Variants in ZNF530 observed in about 807,000 individuals in gnomAD.
The protein encoded by ZNF530 is zinc finger protein 530.
ZNF530 carries 5 observed loss-of-function variants against 2.8 expected under a neutral mutation model. That is an observed-to-expected ratio of 1.80 (90% CI 0.94 to 3.78). ZNF530 has a LOEUF of 3.78. ZNF530 is among the 30% of genes most tolerant of loss of function. The pLI is 0.00. For synonymous variants in ZNF530, 229 were observed against 235.0 expected (o/e 0.97, Z 0.23); for missense variants, 619 against 673.3 (o/e 0.92, Z 0.89).
Position 57,607,026 on chromosome 19 carries a change from A to T in ZNF530, c.1402A>T (p.Ile468Phe), listed in dbSNP as rs573266416. Residue 468 changes from isoleucine (I) to phenylalanine (F), a missense_variant, in exon 4 of 4, where the codon ATC becomes TTC. By Grantham distance (21) the Ile-to-Phe change is conservative. Transcript: ENST00000597700. ...YECSVCGKSF[I>F]RKTHLIRHQT... ...GTGCAGTGTATGTGGGAAATCTTTT[A>T]TCCGAAAAACCCACCTCATTCGACA... The T allele has an allele frequency of 3.1e-6, 5 of 1,613,156 alleles. No individual in the cohort carries two copies. In the African/African-American group the frequency reaches 5.3e-5, roughly 17 times the overall value.
chr19:57,612,529 A>G (rs1384933681), downstream of ZNF530: 2 of 400,162 alleles, frequency 5.0e-6, no homozygotes, highest in South Asian at 1.3e-4. Context: ...TCAAGAATGA[A>G]AAGAGGCCTG....
Position 57,607,901 on chromosome 19 carries a change from G to C in ZNF530, c.*576G>C, listed in dbSNP as rs552028287. On this transcript the variant is annotated 3_prime_UTR_variant, in exon 4 of 4. Transcript: ENST00000597700. Reference sequence around the variant, plus strand: ...GGGACCTTACCAGATTCGTGTCACTGCCAGTTTCTGCGGCTGAAGCCTTTT... The same window carrying C: ...GGGACCTTACCAGATTCGTGTCACTCCCAGTTTCTGCGGCTGAAGCCTTTT... 4.5e-5 allele frequency: 7 copies of C among 154,584 alleles called. No individual in the cohort carries two copies. Among genetic ancestry groups the C allele is most frequent in the African/African-American group, 1.2e-4 (5 of 41,562 alleles). 9.6% of individuals were successfully genotyped at this position (154,584 alleles called of 1,614,324 possible).
chr19:57,605,576 C>A, intron 3 of ZNF530, 110 bp from the exon 4 acceptor site: 1 of 1,134,048 alleles, frequency 8.8e-7, no homozygotes, highest in Non-Finnish European at 1.2e-6. Flanking sequence ...TTTCCACCAG[C>A]TCTCATATCC....
downstream of ZNF530, chr19:57,612,698 A>G: frequency 2.6e-6 from 1 of 391,290 alleles, no homozygotes. Context: ...AAATAAATAA[A>G]TAAAATTACA....
Position 57,606,929 on chromosome 19 carries a change from T to C in ZNF530, c.1305T>C (p.Cys435=), listed in dbSNP as rs751364668. 4 of 1,613,870 alleles carry C rather than the reference T, an allele frequency of 2.5e-6. No homozygotes were observed. Among genetic ancestry groups the C allele is most frequent in the African/African-American group, 1.3e-5 (1 of 74,860 alleles). Reference sequence around the variant, plus strand: ...CAAAGCCTTATGAGTGCAGTGAATGTGAAAAATCATTTAGTTGCAAAACTG... The same window carrying C: ...CAAAGCCTTATGAGTGCAGTGAATGCGAAAAATCATTTAGTTGCAAAACTG... ...TKTKPYECSE[C]EKSFSCKTDL... Residue 435 remains cysteine (C), a synonymous_variant, in exon 4 of 4, where the codon TGT becomes TGC. Transcript: ENST00000597700.
In ZNF530 at chr19:57,606,181, C is replaced by G; in HGVS notation, c.557C>G (p.Ser186Cys). The part of the protein sequence containing the change: ...KPLKYTESRK[S>C]FREKSVFIQH... ...CTCAAATACACTGAATCCAGGAAATCTTTTAGAGAGAAATCTGTATTCATT... is the reference window on the plus strand; with the variant it reads ...CTCAAATACACTGAATCCAGGAAATGTTTTAGAGAGAAATCTGTATTCATT... The change falls in exon 4 of 4, where the codon TCT becomes TGT. Residue 186 changes from serine to cysteine, a missense_variant. Ser to Cys is a moderately radical substitution (Grantham distance 112). Transcript: ENST00000597700. 6.2e-7 allele frequency: 1 copy of G among 1,614,198 alleles called. No homozygotes were observed. The highest frequency in any genetic ancestry group is 1.1e-5 in the South Asian group (1 of 91,088).
intron 2 of ZNF530, among the ~76,000 whole-genome samples, chr19:57,602,614 G>T (rs531317216): frequency 1.3e-5 from 2 of 152,334 alleles, no homozygotes; most frequent in Non-Finnish European, 2.9e-5. Context: ...GCAGCCCTAG[G>T]AATAATACAG....
rs549741593 is a variant in ZNF530 at position 57,604,622 on chromosome 19, G to T, written c.61+216G>T. 2.8e-4 allele frequency: 132 copies of T among 479,412 alleles called. 1 individual carries two copies. Among genetic ancestry groups the T allele is most frequent in the African/African-American group, 2.3e-3 (113 of 50,152 alleles). The allele number at this position is 479,412 out of a possible 1,614,324, so 29.7% of individuals were successfully genotyped here. A position where few individuals can be genotyped will look rare whatever the true frequency, so the allele number is the denominator to read the frequency against. ...TATGCAGTGAAGGGTCTGGGAGACA[G>T]GATCTTTCTTTCAACCTAAAGGATT... On this transcript the variant is annotated intron_variant, in intron 3 of 3. Coordinates refer to ENST00000597700, the MANE Select transcript of ZNF530 (RefSeq NM_001321981.2).
Position 57,606,824 on chromosome 19 carries a change from G to C in ZNF530, c.1200G>C (p.Arg400Ser), listed in dbSNP as rs538686012. The C allele has an allele frequency of 4.1e-5, 66 of 1,614,148 alleles. No homozygotes were observed. In the East Asian group the frequency reaches 1.5e-3, roughly 36 times the overall value. Residue 400 changes from arginine (R) to serine (S), a missense_variant, in exon 4 of 4, where the codon AGG becomes AGC. By Grantham distance (110) the Arg-to-Ser change is moderately radical. Transcript: ENST00000597700. ...ACCAAAGAGTTCACACTGGAGAAAG[G>C]CCTTATGAGTGCAGTGAATGTGGGA... ...IQHQRVHTGERPYECSECGKV... is the reference protein window; with the variant it reads ...IQHQRVHTGESPYECSECGKV...
rs942584219 is a variant in ZNF530 at position 57,606,966 on chromosome 19, C to T, written c.1342C>T (p.His448Tyr). Residue 448 changes from histidine (H) to tyrosine (Y), a missense_variant, in exon 4 of 4, where the codon CAC (histidine) becomes TAC (tyrosine). His to Tyr is a moderately conservative substitution (Grantham distance 83). Transcript: ENST00000597700. ...SFSCKTDLIR[H>Y]QTVHTGERPY... ...TAGTTGCAAAACTGACCTCATTCGA[C>T]ACCAGACAGTTCACACTGGAGAAAG... 1.9e-6 allele frequency: 3 copies of T among 1,614,012 alleles called. No individual in the cohort carries two copies. In the African/African-American group the frequency reaches 4.0e-5, roughly 22 times the overall value.
rs1349314842 is a variant in ZNF530 at position 57,599,927 on chromosome 19, G to A, written c.-329G>A. 3 of 661,218 alleles carry A rather than the reference G, an allele frequency of 4.5e-6. No individual in the cohort carries two copies. In the African/African-American group the frequency reaches 5.5e-5, roughly 12 times the overall value. The allele number at this position is 661,218 out of a possible 1,614,324, so 41.0% of individuals were successfully genotyped here. On this transcript the variant is annotated 5_prime_UTR_variant, in exon 1 of 4. Transcript: ENST00000597700. ...CCCTGTGGCGGGCACTTTGGCTTGT[G>A]TCAGTTCCATCCGCGGGTGCCGGAT... is the stretch of plus-strand genomic sequence containing the variant.
chr19:57,608,886 A>G lies in ZNF530; in HGVS notation c.*1561A>G, dbSNP rs1395399425. ...GGTGGATCACAAGGTCGGGAGTTCA[A>G]TAACAGCCTGGCCAAGGTGGTGAAA... On this transcript the variant is annotated 3_prime_UTR_variant, in exon 4 of 4. Coordinates refer to ENST00000597700, the MANE Select transcript of ZNF530 (RefSeq NM_001321981.2). The G allele has an allele frequency of 1.3e-5, 2 of 152,080 alleles. No homozygotes were observed. Among genetic ancestry groups the G allele is most frequent in the East Asian group, 1.9e-4 (1 of 5,160 alleles). 9.4% of individuals were successfully genotyped at this position (152,080 alleles called of 1,614,324 possible).
At chr19:57,612,669 A>C, downstream of ZNF530, 1 of 395,914 alleles carries the variant, frequency 2.5e-6, no homozygotes, top group Non-Finnish European at 4.4e-6. Context: ...CAACACAGTG[A>C]GATCCTGTCT....
At position 57,606,579 on chromosome 19, in the gene ZNF530, G is replaced by T. The variant is rs1980554914; in HGVS notation, c.955G>T (p.Glu319Ter). The T allele has an allele frequency of 1.2e-6, 2 of 1,614,002 alleles. No homozygotes were observed. The highest frequency in any genetic ancestry group is 2.7e-5 in the African/African-American group (2 of 74,910). ...TGCCCACACTAGCACAAGGCCTTAT[G>T]AGTGCAGTGAATGTGGAAAATCCTT... ...RSAHTSTRPY[E>*]CSECGKSFSH... Residue 319 changes from glutamate to a stop codon, truncating the protein, a stop_gained, in exon 4 of 4, where the codon GAG becomes TAG. Coordinates refer to ENST00000597700, the MANE Select transcript of ZNF530 (RefSeq NM_001321981.2). LOFTEE classifies it low-confidence loss of function (END_TRUNC).
At position 57,606,242 on chromosome 19, in the gene ZNF530, C is replaced by G; in HGVS notation, c.618C>G (p.Tyr206Ter). Residue 206 changes from tyrosine to a stop codon, truncating the protein, a stop_gained, in exon 4 of 4, where the codon TAC becomes TAG. Transcript: ENST00000597700. LOFTEE classifies it low-confidence loss of function (END_TRUNC). The part of the protein sequence containing the change: ...HQRADSGERP[Y>*]KCSECGKSFS... The stretch of plus-strand genomic sequence containing the variant: ...GAGCTGACTCTGGAGAAAGGCCTTA[C>G]AAGTGCAGTGAATGTGGGAAATCCT... The G allele has an allele frequency of 6.2e-7, 1 of 1,613,970 alleles. No homozygotes were observed. The highest frequency in any genetic ancestry group is 1.1e-5 in the South Asian group (1 of 91,068).
intron 2 of ZNF530, 93 bp from the exon 3 acceptor site, chr19:57,604,184 G>T: frequency 6.3e-7 from 1 of 1,576,332 alleles, no homozygotes; most frequent in African/African-American, 1.3e-5. Context: ...TGGGGAGATG[G>T]GGAGGAGGGT....
rs1170236103 is a variant in ZNF530 at position 57,606,801 on chromosome 19, CAA to C, written c.1179_1180del (p.Arg394SerfsTer9). On this transcript the variant is annotated frameshift_variant, in exon 4 of 4. Coordinates refer to ENST00000597700, the MANE Select transcript of ZNF530 (RefSeq NM_001321981.2). LOFTEE classifies it low-confidence loss of function (END_TRUNC). The part of the protein sequence containing the change: ...FGQKSVLIQH[Q>X]RVHTGERPYE... The stretch of plus-strand genomic sequence containing the variant: ...CCAGAAATCTGTCCTCATTCAACAC[CAA>C]AGAGTTCACACTGGAGAAAGGCCTT... The C allele has an allele frequency of 6.2e-7, 1 of 1,613,208 alleles. No homozygotes were observed. The highest frequency in any genetic ancestry group is 8.5e-7 in the Non-Finnish European group (1 of 1,179,806).
chr19:57,611,052 C>T (rs1980856935), downstream of ZNF530, among the ~76,000 whole-genome samples: 1 of 152,184 alleles, frequency 6.6e-6, no homozygotes, highest in African/African-American at 2.4e-5. Flanking sequence ...ACCTTGAGAG[C>T]AAGGCAAGCC....
At position 57,600,015 on chromosome 19, in the gene ZNF530, G is replaced by C; in HGVS notation, c.-241G>C. The C allele has an allele frequency of 7.1e-7, 1 of 1,407,724 alleles. No individual in the cohort carries two copies. The highest frequency in any genetic ancestry group is 9.5e-7 in the Non-Finnish European group (1 of 1,047,852). The allele number at this position is 1,407,724 out of a possible 1,614,324, so 87.2% of individuals were successfully genotyped here. ...AGTCGTTTTCTCAGCTGCACAGCCG[G>C]GGCCTGACGGTCGCCGGCGGTGGTG... On this transcript the variant is annotated 5_prime_UTR_variant, in exon 1 of 4. Coordinates refer to ENST00000597700, the MANE Select transcript of ZNF530 (RefSeq NM_001321981.2).
Sources: allele counts gnomAD v4.1 joint callset (sites outside exome capture counted in the v4.1 genomes callset), GRCh38; gene constraint gnomAD v4.1.1; transcripts MANE v1.5; gene names NCBI Gene and HGNC (gene_info 2026-07-23, HGNC 2026-07-21).